The following RAD51B variants were observed in gnomAD, a reference collection of about 807,000 sequenced individuals.
The protein encoded by RAD51B is DNA repair protein RAD51 homolog 2.
Under a neutral mutation model 42.2 loss-of-function variants are expected in RAD51B, and 38 were observed. The observed-to-expected ratio is 0.90, with a 90% CI of 0.70 to 1.18. RAD51B has a LOEUF of 1.18. Ranked by LOEUF, RAD51B falls within the 50% of genes most tolerant of loss-of-function variation. RAD51B has a pLI of 0.00. For missense variants in RAD51B, 373 were observed against 400.7 expected, an observed-to-expected ratio of 0.93 and a Z score of 0.59; for synonymous variants, 154 against 145.2, an observed-to-expected ratio of 1.06 and a Z score of -0.43.
chr14:68,181,653 A>G (rs542910625), intron 7 of RAD51B, among the ~76,000 whole-genome samples: 1 of 152,222 alleles, frequency 6.6e-6, no homozygotes, highest in Non-Finnish European at 1.5e-5. Flanking sequence ...ATGTAAAAGG[A>G]GAATGACTGA....
In RAD51B at chr14:68,468,285, T is replaced by C. The variant is rs777791156; in HGVS notation, c.1036+35T>C. On this transcript the variant is annotated intron_variant, in intron 10 of 10. Transcript: ENST00000471583. ...TTGGATTAAGCCATTTCTTTAAGCTTATGCTCAGTGCTGCCCATTGCTAGT... is the reference window on the plus strand; with the variant it reads ...TTGGATTAAGCCATTTCTTTAAGCTCATGCTCAGTGCTGCCCATTGCTAGT... 3.8e-6 allele frequency: 6 copies of C among 1,567,804 alleles called. No homozygotes were observed. The African/African-American group carries it at 8.1e-5, about 21-fold the overall frequency.
chr14:67,981,968 G>A (rs965227957), intron 7 of RAD51B, among the ~76,000 whole-genome samples: 2 of 152,022 alleles, frequency 1.3e-5, no homozygotes, highest in South Asian at 2.1e-4. Flanking sequence ...ACAGAGTCTC[G>A]CATTGTCACT....
At chr14:68,027,848 A>G (rs1317398212) in intron 7 of RAD51B, among the ~76,000 whole-genome samples, 2 of 152,132 alleles carry the variant, frequency 1.3e-5, no homozygotes, top group Non-Finnish European at 2.9e-5. Context: ...CTGGTTAAGA[A>G]CCATTGTTGG....
At chr14:67,982,123 C>T (rs939554152) in intron 7 of RAD51B, among the ~76,000 whole-genome samples, 3 of 151,962 alleles carry the variant, frequency 2.0e-5, no homozygotes, top group Non-Finnish European at 4.4e-5. Context: ...TTAGTAGAGA[C>T]GGGGTTTCAC....
intron 8 of RAD51B, among the ~76,000 whole-genome samples, chr14:68,381,222 C>T (rs2083471566): frequency 6.6e-6 from 1 of 152,228 alleles, no homozygotes; most frequent in African/African-American, 2.4e-5. Context: ...GAATCTGACT[C>T]ACCAGAATTC....
intron 7 of RAD51B, among the ~76,000 whole-genome samples, chr14:67,969,473 C>T (rs904841555): frequency 2.6e-5 from 4 of 152,160 alleles, no homozygotes; most frequent in Admixed American, 1.3e-4. Context: ...TTCCCTGTTC[C>T]GTATGCCTAA....
chr14:68,419,783 A>G (rs1401107299), intron 9 of RAD51B, among the ~76,000 whole-genome samples: 1 of 151,678 alleles, frequency 6.6e-6, no homozygotes, highest in African/African-American at 2.4e-5. Flanking sequence ...GAGTCAGTCA[A>G]TCTTTATTTT....
Position 68,677,422 on chromosome 14 carries a change from T to C in RAD51B, c.*11+26566T>C, listed in dbSNP as rs564330869. ...TTTCATACGTGCTCCCTCCAGTATG[T>C]AGTGTCTCTTCTCTTCCAAGCCCCT... On this transcript the variant is annotated intron_variant, in intron 11 of 11. Coordinates refer to the RAD51B transcript ENST00000488612. Among the ~76,000 whole-genome samples, 9 of 152,318 alleles carry C rather than the reference T, an allele frequency of 5.9e-5. No homozygotes were observed. In the South Asian group the frequency reaches 1.7e-3, roughly 28 times the overall value.
intron 7 of RAD51B, among the ~76,000 whole-genome samples, chr14:68,250,667 C>T (rs776781073): frequency 3.1e-4 from 47 of 152,288 alleles, no homozygotes; most frequent in Non-Finnish European, 4.7e-4. Context: ...GTTGCCCTGG[C>T]CTGCTCACAG....
chr14:68,466,536 A>T (rs542765704), intron 9 of RAD51B, among the ~76,000 whole-genome samples: 2 of 152,328 alleles, frequency 1.3e-5, no homozygotes, highest in Non-Finnish European at 1.5e-5. Flanking sequence ...AGTGGGAGAC[A>T]CTGATGCTCT....
chr14:68,200,753 A>G (rs1256595741), intron 7 of RAD51B, among the ~76,000 whole-genome samples: 1 of 152,162 alleles, frequency 6.6e-6, no homozygotes, highest in Non-Finnish European at 1.5e-5. Flanking sequence ...TTGCAGGTTC[A>G]AGTGATCCTC....
intron 7 of RAD51B, among the ~76,000 whole-genome samples, chr14:68,148,731 A>G (rs1477561170): frequency 2.0e-5 from 3 of 152,240 alleles, no homozygotes; most frequent in East Asian, 1.9e-4. Context: ...GTAAACAATC[A>G]GTACTGTGCA....
chr14:68,143,946 AT>A (rs914040189), intron 7 of RAD51B, among the ~76,000 whole-genome samples: 5 of 148,916 alleles, frequency 3.4e-5, no homozygotes, highest in East Asian at 3.9e-4. Context: ...ATCTTCAGGG[AT>A]TTTTTTTTTC....
At chr14:68,297,525 C>A (rs35387520) in intron 8 of RAD51B, among the ~76,000 whole-genome samples, 1 of 152,154 alleles carries the variant, frequency 6.6e-6, no homozygotes, top group Non-Finnish European at 1.5e-5. Flanking sequence ...CTCCAAGGCC[C>A]TTCACAGCCC....
intron 10 of RAD51B, among the ~76,000 whole-genome samples, chr14:68,487,384 C>T (rs1373763719): frequency 6.6e-6 from 1 of 152,106 alleles, no homozygotes; most frequent in African/African-American, 2.4e-5. Flanking sequence ...TCTGTGTATC[C>T]ATTGTATGTT....
chr14:68,284,904 A>C (rs917613481), intron 7 of RAD51B, among the ~76,000 whole-genome samples: 2 of 152,196 alleles, frequency 1.3e-5, no homozygotes, highest in Non-Finnish European at 2.9e-5. Flanking sequence ...GGATGTGGAC[A>C]GGAAGGGTTT....
At chr14:67,868,777 C>T (rs1427584520) in intron 5 of RAD51B, among the ~76,000 whole-genome samples, 1 of 152,284 alleles carries the variant, frequency 6.6e-6, no homozygotes, top group Admixed American at 6.5e-5. Flanking sequence ...GGTCCCTGAC[C>T]CCTGACCCCC....
intron 7 of RAD51B, among the ~76,000 whole-genome samples, chr14:68,075,240 A>G (rs562367456): frequency 1.3e-5 from 2 of 152,302 alleles, no homozygotes; most frequent in Admixed American, 6.5e-5. Context: ...GGGAAGAAAG[A>G]CAGGCCTCTT....
At chr14:68,550,095 C>T (rs901576626) in intron 10 of RAD51B, among the ~76,000 whole-genome samples, 1 of 152,202 alleles carries the variant, frequency 6.6e-6, no homozygotes, top group Admixed American at 6.5e-5. Flanking sequence ...GCAGGCTCTG[C>T]CCCCTTTCAC....
Sources: allele counts gnomAD v4.1 joint callset (sites outside exome capture counted in the v4.1 genomes callset), GRCh38; gene constraint gnomAD v4.1.1; transcripts MANE v1.5; gene names NCBI Gene and HGNC (gene_info 2026-07-23, HGNC 2026-07-21).